Variants in EYS observed in about 807,000 individuals in gnomAD.
EYS encodes protein eyes shut homolog.
EYS carries 250 observed loss-of-function variants against 282.1 expected under a neutral mutation model. The ratio of observed to expected loss-of-function variants is 0.89; its 90% CI spans 0.80 to 0.98. The LOEUF (loss-of-function observed/expected upper bound fraction) is 0.98, where lower values mean the gene tolerates loss of function less well. Among genes scored for constraint, EYS ranks in the 50% least tolerant of loss-of-function variants. The probability of loss-of-function intolerance (pLI) is 0.00; values close to 1 mark genes in which losing one functional copy is unlikely to be tolerated. For missense variants in EYS, 4,016 were observed against 3,709.0 expected, an observed-to-expected ratio of 1.08 and a Z score of -2.15; for synonymous variants, 1,355 against 1,282.9, an observed-to-expected ratio of 1.06 and a Z score of -1.20.
rs541043938 is a variant in EYS at position 65,295,765 on chromosome 6, A to G, written c.2023+98T>C. The G allele has an allele frequency of 9.5e-5, 99 of 1,043,126 alleles. No individual in the cohort carries two copies. The African/African-American group carries it at 1.3e-3, about 14-fold the overall frequency. The allele number at this position is 1,043,126 out of a possible 1,614,324, so 64.6% of individuals were successfully genotyped here. On this transcript the variant is annotated intron_variant, in intron 12 of 42. Transcript: ENST00000503581. ...AAGAAATGAGACAACAATACCAATCAATAGACACATTTGAGATATATTTGA... is the reference window on the plus strand; with the variant it reads ...AAGAAATGAGACAACAATACCAATCGATAGACACATTTGAGATATATTTGA...
intron 18 of EYS, among the ~76,000 whole-genome samples, chr6:64,896,951 C>T (rs1247702142): frequency 2.0e-5 from 3 of 152,116 alleles, no homozygotes; most frequent in Non-Finnish European, 2.9e-5. Context: ...AGGCAGCAGC[C>T]CCACTCAGGG....
chr6:64,403,590 C>T (rs1773609966), intron 28 of EYS, among the ~76,000 whole-genome samples: 1 of 152,154 alleles, frequency 6.6e-6, no homozygotes, highest in African/African-American at 2.4e-5. Context: ...GACTCCTGAC[C>T]TTGTGATCTG....
At chr6:65,290,283 A>G (rs2150282439) in intron 12 of EYS, among the ~76,000 whole-genome samples, 1 of 151,154 alleles carries the variant, frequency 6.6e-6, no homozygotes, top group East Asian at 1.9e-4. Context: ...ATCAGAGAAA[A>G]CCTTGAGAAT....
chr6:63,723,343 A>G (rs1768479386), intron 42 of EYS, among the ~76,000 whole-genome samples: 1 of 152,190 alleles, frequency 6.6e-6, no homozygotes, highest in South Asian at 2.1e-4. Flanking sequence ...GAACAAGTAA[A>G]CATAATTGAT....
chr6:65,562,126 A>T (rs1045133048), intron 2 of EYS, among the ~76,000 whole-genome samples: 5 of 151,970 alleles, frequency 3.3e-5, no homozygotes, highest in Admixed American at 2.0e-4. Context: ...ACAAGAAAAA[A>T]TTAGCCTACT....
At chr6:64,494,730 G>A (rs1006158779) in intron 26 of EYS, among the ~76,000 whole-genome samples, 2 of 151,568 alleles carry the variant, frequency 1.3e-5, no homozygotes, top group African/African-American at 4.8e-5. Context: ...CTTAAATTCT[G>A]GTACCATTTT....
intron 29 of EYS, among the ~76,000 whole-genome samples, chr6:64,371,752 T>C (rs1332351229): frequency 1.3e-5 from 2 of 152,192 alleles, no homozygotes; most frequent in African/African-American, 2.4e-5. Context: ...ATTAGACCTT[T>C]ACCATTATGT....
intron 41 of EYS, among the ~76,000 whole-genome samples, chr6:63,730,597 C>T (rs936136126): frequency 6.6e-6 from 1 of 152,192 alleles, no homozygotes; most frequent in Non-Finnish European, 1.5e-5. Flanking sequence ...TGCTACTTTT[C>T]CTCCTTTTCT....
At chr6:65,407,681 A>T (rs1378258365) in intron 5 of EYS, among the ~76,000 whole-genome samples, 1 of 152,018 alleles carries the variant, frequency 6.6e-6, no homozygotes, top group African/African-American at 2.4e-5. Flanking sequence ...GATTTTCTAC[A>T]TATTAGATCA....
chr6:64,867,696 G>A (rs1554212170), intron 19 of EYS, among the ~76,000 whole-genome samples: 1 of 151,550 alleles, frequency 6.6e-6, no homozygotes, highest in Non-Finnish European at 1.5e-5. Flanking sequence ...AAACCAAGCT[G>A]TTTTTATCTC....
At chr6:65,005,635 C>T (rs1311798853) in intron 13 of EYS, among the ~76,000 whole-genome samples, 1 of 147,816 alleles carries the variant, frequency 6.8e-6, no homozygotes, top group Non-Finnish European at 1.5e-5. Flanking sequence ...GGCCGCTGGA[C>T]TTAAGACTTA....
chr6:64,903,598 G>A (rs979962225), intron 16 of EYS, among the ~76,000 whole-genome samples: 8 of 152,188 alleles, frequency 5.3e-5, no homozygotes, highest in African/African-American at 1.7e-4. Context: ...CACTTGTAAT[G>A]TTGGCATGCG....
At chr6:64,076,167 T>A (rs1031767977) in intron 32 of EYS, among the ~76,000 whole-genome samples, 2 of 152,000 alleles carry the variant, frequency 1.3e-5, no homozygotes, top group South Asian at 4.1e-4. Flanking sequence ...TCAAGCTACA[T>A]TTTGACTAAA....
chr6:64,752,534 TAGG>T (rs1393205449), intron 22 of EYS, among the ~76,000 whole-genome samples: 1 of 152,106 alleles, frequency 6.6e-6, no homozygotes, highest in East Asian at 1.9e-4. Flanking sequence ...TTATGAGTCA[TAGG>T]TATTGCTGAG....
At chr6:65,104,240 C>T (rs999604745) in intron 12 of EYS, among the ~76,000 whole-genome samples, 2 of 151,360 alleles carry the variant, frequency 1.3e-5, no homozygotes, top group Non-Finnish European at 3.0e-5. Context: ...CTGAATGTTA[C>T]TTATGAATTC....
chr6:64,794,752 A>T (rs1774302020), intron 22 of EYS, among the ~76,000 whole-genome samples: 1 of 152,166 alleles, frequency 6.6e-6, no homozygotes, highest in Admixed American at 6.5e-5. Context: ...CATTGTTTTT[A>T]TTCCTTGAAA....
intron 26 of EYS, among the ~76,000 whole-genome samples, chr6:64,536,312 TA>T (rs1562047383): frequency 6.6e-6 from 1 of 151,722 alleles, no homozygotes; most frequent in South Asian, 2.1e-4. Context: ...AAGGGGAAAA[TA>T]AAAAAGATCT....
intron 33 of EYS, among the ~76,000 whole-genome samples, chr6:64,055,259 A>AT (rs141933673): frequency 0.065 from 9,901 of 151,430 alleles, 435 homozygotes; most frequent in African/African-American, 0.12. Flanking sequence ...AGTAGTGAGC[A>AT]TTTTTTTTTC....
chr6:65,068,311 T>C (rs1171472881), intron 12 of EYS, among the ~76,000 whole-genome samples: 1 of 152,136 alleles, frequency 6.6e-6, no homozygotes, highest in Non-Finnish European at 1.5e-5. Context: ...TCCAAGGATA[T>C]TGCCCTCACT....
Sources: gnomAD v4.1 joint callset for allele counts (sites outside exome capture counted in the v4.1 genomes callset) on GRCh38, gnomAD v4.1.1 for gene constraint, MANE v1.5 for transcripts, NCBI Gene and HGNC (gene_info 2026-07-23, HGNC 2026-07-21) for gene names.